The following ZNF91 variants were observed in gnomAD, a reference collection of about 807,000 sequenced individuals.
The protein encoded by ZNF91 is zinc finger protein 91 (HPF7, HTF10).
In ZNF91, 7 loss-of-function variants were observed where a neutral mutation model predicts 12.6. The observed-to-expected ratio is 0.55, with a 90% confidence interval of 0.31 to 1.04. The LOEUF is 1.04. ZNF91 is among the 50% of genes least tolerant of loss of function. The pLI, the probability that ZNF91 is intolerant of heterozygous loss-of-function variation, is 0.05. For synonymous variants in ZNF91, 453 were observed against 462.6 expected, an observed-to-expected ratio of 0.98 and a Z score of 0.27; for missense variants, 1,217 against 1,385.4, an observed-to-expected ratio of 0.88 and a Z score of 1.93.
At chr19:23,344,826 T>C (rs1968189370) in intron 3 of ZNF91, among the ~76,000 whole-genome samples, 1 of 152,180 alleles carries the variant, frequency 6.6e-6, no homozygotes, top group Non-Finnish European at 1.5e-5. Flanking sequence ...GCAGCGTGCG[T>C]CAGCAAGAGA....
chr19:23,355,297 A>C (rs992427204), downstream of ZNF91, among the ~76,000 whole-genome samples: 2 of 152,082 alleles, frequency 1.3e-5, no homozygotes, highest in Non-Finnish European at 2.9e-5. Context: ...CCAGAAATAA[A>C]CCCAAATAAT....
chr19:23,389,512 T>C (rs543514370), intron 1 of ZNF91, among the ~76,000 whole-genome samples: 3 of 152,030 alleles, frequency 2.0e-5, no homozygotes, highest in East Asian at 3.9e-4. Flanking sequence ...GGTATGTTAG[T>C]GAGTGGGTGA....
chr19:23,328,263 G>C (rs755961569), intron 1 of ZNF91: 40 of 152,168 alleles, frequency 2.6e-4, no homozygotes, highest in Non-Finnish European at 5.3e-4. Context: ...AGTATGACAA[G>C]AAGCTATGAA....
chr19:23,368,200 A>T (rs1199103568), intron 3 of ZNF91, among the ~76,000 whole-genome samples: 4 of 151,960 alleles, frequency 2.6e-5, no homozygotes, highest in African/African-American at 9.7e-5. Flanking sequence ...AGCCGCATAA[A>T]TTTTTAATCT....
chr19:23,316,782 C>T (rs184336887), intron 1 of ZNF91, among the ~76,000 whole-genome samples: 28 of 152,278 alleles, frequency 1.8e-4, no homozygotes, highest in Non-Finnish European at 3.7e-4. Flanking sequence ...AGAAAATTAC[C>T]ACTTTCTCAT....
chr19:23,392,969 C>CCA, intron 1 of ZNF91, among the ~76,000 whole-genome samples: 1 of 152,290 alleles, frequency 6.6e-6, no homozygotes, highest in South Asian at 2.1e-4. Flanking sequence ...AGACTCTGAA[C>CCA]TATGCCCCAG....
chr19:23,370,831 T>C (rs1448526513), intron 3 of ZNF91, among the ~76,000 whole-genome samples: 7 of 152,112 alleles, frequency 4.6e-5, no homozygotes, highest in Non-Finnish European at 8.8e-5. Flanking sequence ...TTGAAATAGA[T>C]TTAAGAAGGT....
upstream of ZNF91, among the ~76,000 whole-genome samples, chr19:23,311,484 C>A (rs1416341873): frequency 6.6e-6 from 1 of 152,170 alleles, no homozygotes; most frequent in Admixed American, 6.5e-5. Flanking sequence ...TGACATATTA[C>A]TGGACACAGA....
chr19:23,314,974 T>C (rs1356132873), upstream of ZNF91, among the ~76,000 whole-genome samples: 1 of 152,198 alleles, frequency 6.6e-6, no homozygotes, highest in Non-Finnish European at 1.5e-5. Context: ...GACATATACG[T>C]CAGCCCACCT....
intron 3 of ZNF91, among the ~76,000 whole-genome samples, chr19:23,352,291 G>A (rs1176167396): frequency 6.6e-6 from 1 of 152,100 alleles, no homozygotes; most frequent in East Asian, 1.9e-4. Flanking sequence ...CTGACATCCT[G>A]TATGACTCAG....
downstream of ZNF91, among the ~76,000 whole-genome samples, chr19:23,335,685 T>G (rs1967994493): frequency 6.6e-6 from 1 of 152,146 alleles, no homozygotes; most frequent in Non-Finnish European, 1.5e-5. Context: ...AGTGTAGCAT[T>G]AGGGTGGGAG....
intron 1 of ZNF91, chr19:23,323,818 A>C (rs1174799256): frequency 2.5e-4 from 33 of 131,514 alleles, no homozygotes; most frequent in Admixed American, 2.3e-3. Flanking sequence ...TACTCCTCCT[A>C]CTTTTCCTTT....
At chr19:23,385,089 C>G (rs889929963) in intron 1 of ZNF91, 18 of 906,312 alleles carry the variant, frequency 2.0e-5, no homozygotes, top group Non-Finnish European at 2.4e-5. Flanking sequence ...GCAGGGACAG[C>G]CACTCCTCCA....
intron 1 of ZNF91, among the ~76,000 whole-genome samples, chr19:23,380,004 C>T (rs904659499): frequency 6.6e-6 from 1 of 151,910 alleles, no homozygotes; most frequent in Non-Finnish European, 1.5e-5. Flanking sequence ...TGCCTGTAAT[C>T]CCAGCACTTT....
chr19:23,330,901 G>C (rs1967917822), intron 1 of ZNF91, among the ~76,000 whole-genome samples: 1 of 152,158 alleles, frequency 6.6e-6, no homozygotes, highest in South Asian at 2.1e-4. Flanking sequence ...TTACAAGTTA[G>C]TCATAAATAT....
At chr19:23,373,709 T>C in intron 3 of ZNF91, 33 bp downstream of exon 3, 1 of 1,560,674 alleles carries the variant, frequency 6.4e-7, no homozygotes, top group East Asian at 2.3e-5. Flanking sequence ...GGGCCTCTCA[T>C]CCTTGTCGTC....
upstream of ZNF91, among the ~76,000 whole-genome samples, chr19:23,311,478 A>T (rs150583925): frequency 2.0e-3 from 301 of 152,284 alleles, 2 homozygotes; most frequent in African/African-American, 6.8e-3. Context: ...GGATTGTGAC[A>T]TATTACTGGA....
upstream of ZNF91, among the ~76,000 whole-genome samples, chr19:23,312,858 G>A (rs144718127): frequency 5.3e-5 from 8 of 152,300 alleles, no homozygotes; most frequent in East Asian, 9.6e-4. Context: ...AGAAAAGATT[G>A]TCATCTTCCC....
rs62122168 is a variant in ZNF91 at position 23,366,188 on chromosome 19, G to A, written c.254-3463C>T. ...ACCTCCCGGATGGGGTGGCTGGCCC[G>A]GCGGGGGCTGACCCCCCCACCTCCC... On this transcript the variant is annotated intron_variant, in intron 3 of 3. Transcript: ENST00000300619. Among the ~76,000 whole-genome samples, 1,313 of 152,168 alleles carry A rather than the reference G, an allele frequency of 8.6e-3. 10 individuals are homozygous for A. Among genetic ancestry groups the A allele is most frequent in the Non-Finnish European group, 0.013 (915 of 67,980 alleles).
Sources: allele counts gnomAD v4.1 joint callset (sites outside exome capture counted in the v4.1 genomes callset), GRCh38; gene constraint gnomAD v4.1.1; transcripts MANE v1.5; gene names NCBI Gene and HGNC (gene_info 2026-07-23, HGNC 2026-07-21).